MTMR7: variants seen among roughly 807,000 people sequenced by gnomAD.
The protein encoded by MTMR7 is phosphatidylinositol-3-phosphate phosphatase MTMR7.
Under a neutral mutation model 81.2 loss-of-function variants are expected in MTMR7, and 76 were observed. The ratio of observed to expected loss-of-function variants is 0.94; its 90% CI spans 0.78 to 1.13. The LOEUF (loss-of-function observed/expected upper bound fraction) is 1.13. Ranked by LOEUF, MTMR7 falls within the 50% of genes most tolerant of loss-of-function variation. MTMR7 has a pLI of 0.00. For synonymous variants in MTMR7, 372 were observed against 289.8 expected (o/e 1.28, Z -2.88); for missense variants, 1,044 against 820.0 (o/e 1.27, Z -3.34).
At chr8:17,386,963 C>A (rs2150575534) in intron 1 of MTMR7, among the ~76,000 whole-genome samples, 1 of 152,312 alleles carries the variant, frequency 6.6e-6, no homozygotes, top group South Asian at 2.1e-4. Flanking sequence ...GGCACTCAAA[C>A]AGTAGTCACT....
chr8:17,302,909 C>T (rs757068753), intron 12 of MTMR7, among the ~76,000 whole-genome samples: 6 of 151,846 alleles, frequency 4.0e-5, no homozygotes, highest in Admixed American at 6.6e-5. Context: ...CAGGGTTTCA[C>T]CATGTTGGTC....
rs746895229 is a variant in MTMR7, at chr8:17,302,265, C to A, written c.1509G>T (p.Met503Ile). ...GCATCCCCTTTTCAAAGCGGTTATA[C>A]ATTCCACTCCAAAACCTGGAAAGGA... ...CNFMYKFWSG[M>I]YNRFEKGMQP... The change falls in exon 13 of 14, where the codon ATG becomes ATT. Residue 503 changes from methionine (M) to isoleucine (I), a missense_variant. Met to Ile is a conservative substitution (Grantham distance 10). Coordinates refer to ENST00000180173, the MANE Select transcript of MTMR7 (RefSeq NM_004686.5). The A allele has an allele frequency of 4.0e-5, 64 of 1,613,426 alleles. No individual in the cohort carries two copies. The highest frequency in any genetic ancestry group is 5.2e-5 in the Non-Finnish European group (61 of 1,179,796).
At chr8:17,348,817 C>T (rs1819639773) in intron 5 of MTMR7, 136 bp downstream of exon 5, 6 of 999,000 alleles carry the variant, frequency 6.0e-6, no homozygotes, top group South Asian at 2.9e-5. Flanking sequence ...CATGTCATAC[C>T]ATGCACAGGA....
At chr8:17,382,899 G>A (rs1348812093) in intron 1 of MTMR7, among the ~76,000 whole-genome samples, 2 of 152,154 alleles carry the variant, frequency 1.3e-5, no homozygotes, top group African/African-American at 4.8e-5. Context: ...ATTACATTGT[G>A]CAGTAATTAG....
intron 1 of MTMR7, among the ~76,000 whole-genome samples, chr8:17,401,919 G>C (rs914917055): frequency 4.6e-5 from 7 of 152,076 alleles, no homozygotes; most frequent in South Asian, 2.1e-4. Flanking sequence ...GGATCTTATG[G>C]ATAAGTACCT....
intron 3 of MTMR7, among the ~76,000 whole-genome samples, chr8:17,361,777 T>C (rs560103232): frequency 6.6e-6 from 1 of 152,350 alleles, no homozygotes; most frequent in South Asian, 2.1e-4. Context: ...TGGAATATAC[T>C]AAACGTTTGC....
In MTMR7 at chr8:17,304,452, G is replaced by A. The variant is rs1426779089; in HGVS notation, c.1420C>T (p.Leu474=). 3.1e-6 allele frequency: 5 copies of A among 1,614,086 alleles called. No homozygotes were observed. The highest frequency in any genetic ancestry group is 3.4e-6 in the Non-Finnish European group (4 of 1,179,954). ...GTCTGGCTGTGATCAGCTCTAAACA[G>A]AGGATTCAGGTAGTCGGCCCGATTC... The part of the protein sequence containing the change: ...WKNRADYLNP[L]FRADHSQTQG... Residue 474 remains leucine (L), a synonymous_variant, in exon 12 of 14, where the codon CTG becomes TTG. Coordinates refer to ENST00000180173, the MANE Select transcript of MTMR7 (RefSeq NM_004686.5).
chr8:17,407,707 A>G (rs1821628521), intron 1 of MTMR7, among the ~76,000 whole-genome samples: 1 of 152,224 alleles, frequency 6.6e-6, no homozygotes, highest in Non-Finnish European at 1.5e-5. Flanking sequence ...TAAATTTCTA[A>G]GCAAACAATG....
intron 5 of MTMR7, among the ~76,000 whole-genome samples, chr8:17,348,102 T>G (rs778865466): frequency 1.3e-5 from 2 of 152,174 alleles, no homozygotes; most frequent in Non-Finnish European, 2.9e-5. Flanking sequence ...TGTATCCTCT[T>G]AGAGCCACTG....
At chr8:17,328,838 T>C (rs1275963310) in intron 7 of MTMR7, among the ~76,000 whole-genome samples, 1 of 152,222 alleles carries the variant, frequency 6.6e-6, no homozygotes, top group African/African-American at 2.4e-5. Context: ...TTGCTTGCTA[T>C]GTGACTGAAA....
chr8:17,367,151 C>G lies in MTMR7; in HGVS notation c.310+3886G>C, dbSNP rs994232616. ...CTTATATAAGGAATATAAAAAGTTA[C>G]CAATAAAGCAAATGAGACTACTTCA... On this transcript the variant is annotated intron_variant, in intron 3 of 13. Transcript: ENST00000180173. Among the ~76,000 whole-genome samples the G allele has an allele frequency of 2.0e-5, 3 of 152,062 alleles. No homozygotes were observed. The East Asian group carries it at 5.8e-4, about 29-fold the overall frequency.
At chr8:17,311,697 C>A in intron 8 of MTMR7, 61 bp from the exon 9 acceptor site, 1 of 1,609,052 alleles carries the variant, frequency 6.2e-7, no homozygotes, top group Non-Finnish European at 8.5e-7. Context: ...CAGAACCTCT[C>A]ATCACAGCCA....
chr8:17,334,102 T>C lies in MTMR7; in HGVS notation c.733-2820A>G, dbSNP rs188723309. ...CTTAAAAGCAAAGCAGCAACACAAA[T>C]AACCTCCTGAACATCAATGTGCACT... On this transcript the variant is annotated intron_variant, in intron 6 of 13. Coordinates refer to ENST00000180173, the MANE Select transcript of MTMR7 (RefSeq NM_004686.5). 2.6e-3 allele frequency among the ~76,000 whole-genome samples: 390 copies of C among 152,242 alleles called. 3 individuals carry two copies. The highest frequency in any genetic ancestry group is 4.0e-3 in the Non-Finnish European group (275 of 68,018).
chr8:17,359,264 A>G (rs1265391348), intron 4 of MTMR7, among the ~76,000 whole-genome samples: 1 of 152,142 alleles, frequency 6.6e-6, no homozygotes, highest in Non-Finnish European at 1.5e-5. Flanking sequence ...ACTACTGTAC[A>G]ATCATTTCAT....
At chr8:17,412,148 C>G (rs1223161582) in intron 1 of MTMR7, among the ~76,000 whole-genome samples, 1 of 152,210 alleles carries the variant, frequency 6.6e-6, no homozygotes, top group African/African-American at 2.4e-5. Context: ...CATTCTCCAG[C>G]AAACTAAAAG....
intron 4 of MTMR7, among the ~76,000 whole-genome samples, chr8:17,354,946 G>A (rs559073832): frequency 1.3e-5 from 2 of 151,600 alleles, no homozygotes; most frequent in South Asian, 2.1e-4. Flanking sequence ...AAAACAGTTT[G>A]TTCCTTGTTA....
intron 8 of MTMR7, 138 bp from the exon 9 acceptor site, chr8:17,311,774 GCC>G (rs1312173249): frequency 1.5e-6 from 2 of 1,363,986 alleles, no homozygotes; most frequent in Non-Finnish European, 1.0e-6. Flanking sequence ...TCTGTTTAGG[GCC>G]CCCCCTAATT....
At chr8:17,362,021 T>C (rs990751169) in intron 3 of MTMR7, among the ~76,000 whole-genome samples, 2 of 152,166 alleles carry the variant, frequency 1.3e-5, no homozygotes, top group Non-Finnish European at 2.9e-5. Context: ...CTCTCTCCAC[T>C]AAAATCTAGG....
chr8:17,409,173 A>G (rs1167071751), intron 1 of MTMR7, among the ~76,000 whole-genome samples: 1 of 152,132 alleles, frequency 6.6e-6, no homozygotes, highest in African/African-American at 2.4e-5. Flanking sequence ...AAATAAAGTA[A>G]TGAGGCTGGG....
Sources: gnomAD v4.1 joint callset for allele counts (sites outside exome capture counted in the v4.1 genomes callset) on GRCh38, gnomAD v4.1.1 for gene constraint, MANE v1.5 for transcripts, NCBI Gene and HGNC (gene_info 2026-07-23, HGNC 2026-07-21) for gene names.